Variants in CDK6 observed in about 807,000 individuals in gnomAD.
CDK6 encodes the protein cyclin-dependent kinase 6.
In CDK6, 6 loss-of-function variants were observed where a neutral mutation model predicts 37.1. The ratio of observed to expected loss-of-function variants is 0.16; its 90% CI spans 0.09 to 0.32. The LOEUF (loss-of-function observed/expected upper bound fraction) is 0.32. CDK6 is among the 10% of genes least tolerant of loss of function. CDK6 has a pLI of 1.00. For missense variants in CDK6, 224 were observed against 418.9 expected (o/e 0.53, Z 4.06); for synonymous variants, 160 against 161.3 (o/e 0.99, Z 0.06).
At chr7:92,746,472 C>T (rs1799061722) in intron 3 of CDK6, among the ~76,000 whole-genome samples, 1 of 152,166 alleles carries the variant, frequency 6.6e-6, no homozygotes, top group Non-Finnish European at 1.5e-5. Context: ...AACTTTGTTT[C>T]ATGCACAGAA....
At chr7:92,702,897 C>T (rs182270899) in intron 4 of CDK6, among the ~76,000 whole-genome samples, 19 of 152,248 alleles carry the variant, frequency 1.2e-4, no homozygotes, top group Admixed American at 9.2e-4. Context: ...CTGCAGGGGG[C>T]TGTCCTGTGT....
At chr7:92,832,162 A>G (rs1801502851) in intron 2 of CDK6, among the ~76,000 whole-genome samples, 1 of 152,264 alleles carries the variant, frequency 6.6e-6, no homozygotes, top group Admixed American at 6.5e-5. Flanking sequence ...TTTAAAAAAG[A>G]AAAGGATGAC....
intron 3 of CDK6, among the ~76,000 whole-genome samples, chr7:92,733,122 A>G (rs1354470840): frequency 1.3e-5 from 2 of 152,200 alleles, no homozygotes; most frequent in Admixed American, 6.5e-5. Context: ...TTTCATTTAT[A>G]GCCACCATGA....
intron 5 of CDK6, among the ~76,000 whole-genome samples, chr7:92,647,926 G>C (rs1438832407): frequency 2.0e-5 from 3 of 152,210 alleles, no homozygotes; most frequent in Admixed American, 2.0e-4. Flanking sequence ...AGATTTTCAA[G>C]TAAACTGCTT....
At chr7:92,805,657 T>C (rs1415499128) in intron 2 of CDK6, among the ~76,000 whole-genome samples, 1 of 152,204 alleles carries the variant, frequency 6.6e-6, no homozygotes, top group Non-Finnish European at 1.5e-5. Context: ...AAAGGCTTAG[T>C]AAAACTTCGA....
chr7:92,794,293 AG>A (rs1265542332), intron 2 of CDK6, among the ~76,000 whole-genome samples: 1 of 152,082 alleles, frequency 6.6e-6, no homozygotes, highest in Non-Finnish European at 1.5e-5. Flanking sequence ...TTCACAGATG[AG>A]AAGAATTAAG....
chr7:92,777,535 C>T (rs1021487678), intron 2 of CDK6, among the ~76,000 whole-genome samples: 1 of 152,132 alleles, frequency 6.6e-6, no homozygotes, highest in Non-Finnish European at 1.5e-5. Flanking sequence ...TGTGAGCCAC[C>T]GTGCCCAGCC....
chr7:92,828,931 C>G (rs1437561124), intron 2 of CDK6, among the ~76,000 whole-genome samples: 1 of 152,122 alleles, frequency 6.6e-6, no homozygotes, highest in Non-Finnish European at 1.5e-5. Context: ...AACAAACATA[C>G]TTTTAACATA....
At chr7:92,650,610 C>G (rs1796550400) in intron 5 of CDK6, among the ~76,000 whole-genome samples, 3 of 152,178 alleles carry the variant, frequency 2.0e-5, no homozygotes, top group Admixed American at 2.0e-4. Flanking sequence ...AAGCTGACAT[C>G]AAGGTGTCGG....
chr7:92,635,174 G>A (rs1166068436), intron 5 of CDK6, among the ~76,000 whole-genome samples: 1 of 152,068 alleles, frequency 6.6e-6, no homozygotes, highest in Non-Finnish European at 1.5e-5. Context: ...ACTTCCTCTT[G>A]GGAAAAAAAG....
rs1413957500 is a variant in CDK6 at position 92,833,623 on chromosome 7, G to T, written c.-300C>A. 2.6e-5 allele frequency: 14 copies of T among 530,068 alleles called. No homozygotes were observed. The East Asian group carries it at 4.6e-4, about 17-fold the overall frequency. The allele number at this position is 530,068 out of a possible 1,614,324, so 32.8% of individuals were successfully genotyped here. A position where few individuals can be genotyped will look rare whatever the true frequency, so the allele number is the denominator to read the frequency against. On this transcript the variant is annotated 5_prime_UTR_variant, in exon 2 of 8. Transcript: ENST00000424848. The surrounding 1 kb of genome is among the most constrained non-coding windows in gnomAD (Gnocchi z 6.1). Reference sequence around the variant, plus strand: ...ATCCCTCCTCTTCCCTCCTCGAAGCGAAGTCCTCAACACAGACACGATTAC... The same window carrying T: ...ATCCCTCCTCTTCCCTCCTCGAAGCTAAGTCCTCAACACAGACACGATTAC...
intron 4 of CDK6, among the ~76,000 whole-genome samples, chr7:92,713,468 TATTACAACTCC>T (rs1195393555): frequency 2.6e-5 from 4 of 152,146 alleles, no homozygotes; most frequent in Non-Finnish European, 5.9e-5. Context: ...ATTTGGTTTC[TATTACAACTCC>T]ATTAAAAATG....
At chr7:92,625,252 ACAC>A (rs1795899051) in intron 5 of CDK6, among the ~76,000 whole-genome samples, 1 of 151,304 alleles carries the variant, frequency 6.6e-6, no homozygotes, top group Non-Finnish European at 1.5e-5. Flanking sequence ...ACACACACAC[ACAC>A]ACACCTCTCT....
chr7:92,620,664 T>C (rs1795787264), intron 6 of CDK6, among the ~76,000 whole-genome samples: 1 of 152,114 alleles, frequency 6.6e-6, no homozygotes, highest in Admixed American at 6.5e-5. Flanking sequence ...TCCCAGCAGT[T>C]TGGAAGGCCG....
chr7:92,737,461 T>A (rs767792004), intron 3 of CDK6, among the ~76,000 whole-genome samples: 2 of 152,246 alleles, frequency 1.3e-5, no homozygotes, highest in African/African-American at 4.8e-5. Flanking sequence ...TGGTTTTAAG[T>A]TGCTTTTTCC....
intron 3 of CDK6, among the ~76,000 whole-genome samples, chr7:92,748,156 T>A (rs1317888118): frequency 6.6e-6 from 1 of 152,230 alleles, no homozygotes; most frequent in African/African-American, 2.4e-5. Context: ...CTTTTACAGA[T>A]AACAGGTTAC....
chr7:92,809,272 A>T (rs555254205), intron 2 of CDK6, among the ~76,000 whole-genome samples: 1 of 152,332 alleles, frequency 6.6e-6, no homozygotes, highest in Admixed American at 6.5e-5. Flanking sequence ...TGGAACTTTC[A>T]ATGTTTTCTG....
chr7:92,615,327 T>A (rs1795652955), intron 7 of CDK6, 41 bp from the exon 8 acceptor site: 1 of 1,358,960 alleles, frequency 7.4e-7, no homozygotes, highest in East Asian at 2.3e-5. Flanking sequence ...ATACAATACA[T>A]CAATGTAAAT....
intron 5 of CDK6, among the ~76,000 whole-genome samples, chr7:92,638,801 C>T (rs919220117): frequency 6.6e-6 from 1 of 152,130 alleles, no homozygotes; most frequent in South Asian, 2.1e-4. Flanking sequence ...ACATTGGATG[C>T]CAATGATATG....
Sources: allele counts gnomAD v4.1 joint callset (sites outside exome capture counted in the v4.1 genomes callset), GRCh38; gene constraint gnomAD v4.1.1; non-coding constraint Gnocchi (gnomAD v3.1); transcripts MANE v1.5; gene names NCBI Gene and HGNC (gene_info 2026-07-23, HGNC 2026-07-21).